Variants in CTNNA3 observed in about 807,000 individuals in gnomAD.
The protein encoded by CTNNA3 is catenin alpha-3.
In CTNNA3, 76 loss-of-function variants were observed where a neutral mutation model predicts 95.7. The ratio of observed to expected loss-of-function variants is 0.79; its 90% CI spans 0.66 to 0.96. The LOEUF (loss-of-function observed/expected upper bound fraction) is 0.96. CTNNA3 is among the 40% of genes least tolerant of loss of function. The probability of loss-of-function intolerance (pLI) is 0.00; values close to 1 mark genes in which losing one functional copy is unlikely to be tolerated. For synonymous variants in CTNNA3, 431 were observed against 374.4 expected, an observed-to-expected ratio of 1.15 and a Z score of -1.74; for missense variants, 1,191 against 1,089.8, an observed-to-expected ratio of 1.09 and a Z score of -1.31.
intron 6 of CTNNA3, among the ~76,000 whole-genome samples, chr10:67,182,074 A>T (rs917045586): frequency 6.6e-6 from 1 of 152,196 alleles, no homozygotes; most frequent in Non-Finnish European, 1.5e-5. Flanking sequence ...TTCCATGCTC[A>T]TGGGTAGGAA....
At position 66,784,994 on chromosome 10, in the gene CTNNA3, G is replaced by C. The variant is rs114020367; in HGVS notation, c.1048-9470C>G. ...ACTTGCTGATGAATAAGCAGAAAAA[G>C]ATGTGAATGAATTCCAACATTTGAG... On this transcript the variant is annotated intron_variant, in intron 7 of 17. Transcript: ENST00000433211. 5.7e-3 allele frequency among the ~76,000 whole-genome samples: 863 copies of C among 152,320 alleles called. 7 individuals carry two copies. Among genetic ancestry groups the C allele is most frequent in the African/African-American group, 0.02 (824 of 41,578 alleles).
At chr10:66,959,230 T>C (rs1848991096) in intron 7 of CTNNA3, among the ~76,000 whole-genome samples, 1 of 152,198 alleles carries the variant, frequency 6.6e-6, no homozygotes. Flanking sequence ...TCAAAACCTC[T>C]TCCTCTCTAT....
chr10:66,927,006 C>T lies in CTNNA3; in HGVS notation c.1048-151482G>A, dbSNP rs914562544. 1 of 1,614,018 alleles carries T rather than the reference C, an allele frequency of 6.2e-7. No homozygotes were observed. Among genetic ancestry groups the T allele is most frequent in the East Asian group, 2.2e-5 (1 of 44,866 alleles). ...TCTTACTGACAATGCTTTCTTCTGC[C>T]GAACGAGGATGCCCTAAGGGCTGTA... On this transcript the variant is annotated intron_variant, in intron 7 of 17. Coordinates refer to ENST00000433211, the MANE Select transcript of CTNNA3 (RefSeq NM_013266.4). The surrounding 1 kb of genome is among the most constrained non-coding windows in gnomAD (Gnocchi z 4.7).
At chr10:66,217,015 C>T (rs1448443767) in intron 13 of CTNNA3, among the ~76,000 whole-genome samples, 1 of 152,154 alleles carries the variant, frequency 6.6e-6, no homozygotes, top group Non-Finnish European at 1.5e-5. Flanking sequence ...CTGATAACCA[C>T]TTACTTGTTC....
chr10:66,075,447 A>G (rs1028066720), intron 14 of CTNNA3, among the ~76,000 whole-genome samples: 3 of 151,822 alleles, frequency 2.0e-5, no homozygotes, highest in African/African-American at 7.2e-5. Context: ...AGTTATGACT[A>G]TAAACAATTG....
At chr10:67,273,477 G>A (rs1203820468) in intron 5 of CTNNA3, among the ~76,000 whole-genome samples, 1 of 152,134 alleles carries the variant, frequency 6.6e-6, no homozygotes, top group Non-Finnish European at 1.5e-5. Context: ...ACATTAGTCA[G>A]TCAGAGGGTA....
intron 7 of CTNNA3, among the ~76,000 whole-genome samples, chr10:66,941,066 G>A (rs1382760245): frequency 6.6e-6 from 1 of 152,172 alleles, no homozygotes; most frequent in African/African-American, 2.4e-5. Flanking sequence ...TGGGGGAAAG[G>A]CAGTTTAAGA....
At chr10:66,891,452 T>C (rs531133986) in intron 7 of CTNNA3, among the ~76,000 whole-genome samples, 1 of 152,298 alleles carries the variant, frequency 6.6e-6, no homozygotes, top group Non-Finnish European at 1.5e-5. Context: ...TTTTGAAGGA[T>C]ATTTTGATTA....
At chr10:67,294,490 A>G (rs1839958616) in intron 5 of CTNNA3, among the ~76,000 whole-genome samples, 1 of 152,120 alleles carries the variant, frequency 6.6e-6, no homozygotes, top group Non-Finnish European at 1.5e-5. Context: ...CAATTCAGGT[A>G]ACATTTTTAC....
chr10:66,604,176 C>G (rs1844032617), intron 10 of CTNNA3, among the ~76,000 whole-genome samples: 1 of 152,104 alleles, frequency 6.6e-6, no homozygotes, highest in South Asian at 2.1e-4. Context: ...TATTTAAAAA[C>G]TATCCATCCA....
At chr10:66,293,900 C>T (rs1484672687) in intron 12 of CTNNA3, among the ~76,000 whole-genome samples, 4 of 151,982 alleles carry the variant, frequency 2.6e-5, no homozygotes, top group African/African-American at 9.7e-5. Context: ...CTCCTGACCT[C>T]GTGATCTGCC....
intron 7 of CTNNA3, chr10:66,837,566 C>A (rs2132337807): frequency 6.6e-6 from 1 of 152,202 alleles, no homozygotes; most frequent in African/African-American, 2.4e-5. Context: ...AAAATTAAAG[C>A]ATTTCCTATT....
At chr10:66,152,183 G>C (rs980048564) in intron 13 of CTNNA3, among the ~76,000 whole-genome samples, 1 of 151,870 alleles carries the variant, frequency 6.6e-6, no homozygotes, top group Non-Finnish European at 1.5e-5. Flanking sequence ...GAAATATTAA[G>C]ACAGCAGAAG....
chr10:67,619,483 T>G (rs1207222602), intron 2 of CTNNA3, among the ~76,000 whole-genome samples: 2 of 152,156 alleles, frequency 1.3e-5, no homozygotes, highest in Non-Finnish European at 2.9e-5. Context: ...GACTAAAGAT[T>G]TAAATGTAAG....
chr10:66,927,013 G>A lies in CTNNA3; in HGVS notation c.1048-151489C>T. ...GACAATGCTTTCTTCTGCCGAACGA[G>A]GATGCCCTAAGGGCTGTAGGTGTGA... On this transcript the variant is annotated intron_variant, in intron 7 of 17. Transcript: ENST00000433211. This position sits in a 1 kb window ranked among gnomAD's most constrained non-coding sequence, Gnocchi z 4.7. 2 of 1,614,118 alleles carry A rather than the reference G, an allele frequency of 1.2e-6. No individual in the cohort carries two copies. The highest frequency in any genetic ancestry group is 1.7e-6 in the Non-Finnish European group (2 of 1,180,022).
At chr10:67,348,922 T>C (rs1200969613) in intron 5 of CTNNA3, among the ~76,000 whole-genome samples, 1 of 152,076 alleles carries the variant, frequency 6.6e-6, no homozygotes, top group African/African-American at 2.4e-5. Flanking sequence ...CAAAAAAACT[T>C]GAACAGACTA....
At chr10:66,938,722 G>A (rs906649779) in intron 7 of CTNNA3, among the ~76,000 whole-genome samples, 8 of 152,158 alleles carry the variant, frequency 5.3e-5, no homozygotes, top group Non-Finnish European at 1.2e-4. Context: ...TAAATTGCTT[G>A]TGTGTTGTGA....
intron 5 of CTNNA3, among the ~76,000 whole-genome samples, chr10:67,475,310 T>C (rs1245906708): frequency 6.6e-6 from 1 of 152,162 alleles, no homozygotes; most frequent in Non-Finnish European, 1.5e-5. Context: ...TTGTGGGTGG[T>C]AGAACTGTTC....
At chr10:66,166,879 T>C (rs1328698651) in intron 13 of CTNNA3, among the ~76,000 whole-genome samples, 1 of 152,118 alleles carries the variant, frequency 6.6e-6, no homozygotes, top group Non-Finnish European at 1.5e-5. Flanking sequence ...CAGGTGTCGA[T>C]AGAGTTCATG....
Sources: gnomAD v4.1 joint callset for allele counts (sites outside exome capture counted in the v4.1 genomes callset) on GRCh38, gnomAD v4.1.1 for gene constraint, Gnocchi (gnomAD v3.1) non-coding constraint, MANE v1.5 for transcripts, NCBI Gene and HGNC (gene_info 2026-07-23, HGNC 2026-07-21) for gene names.